AUTS2: variants seen among roughly 807,000 people sequenced by gnomAD.
AUTS2 encodes autism susceptibility gene 2 protein.
Under a neutral mutation model 112.4 loss-of-function variants are expected in AUTS2, and 17 were observed. The observed-to-expected ratio is 0.15, with a 90% CI of 0.10 to 0.23. The LOEUF is 0.23. Ranked by LOEUF, AUTS2 falls within the 10% of genes least tolerant of loss-of-function variation. The pLI, the probability that AUTS2 is intolerant of heterozygous loss-of-function variation, is 1.00. For missense variants in AUTS2, 1,510 were observed against 1,701.6 expected, an observed-to-expected ratio of 0.89 and a Z score of 1.98; for synonymous variants, 751 against 702.7, an observed-to-expected ratio of 1.07 and a Z score of -1.09.
chr7:70,236,748 T>C (rs1812348987), intron 4 of AUTS2, among the ~76,000 whole-genome samples: 1 of 152,200 alleles, frequency 6.6e-6, no homozygotes, highest in Non-Finnish European at 1.5e-5. Context: ...TTTTAATGCA[T>C]TCCACTCCTC....
chr7:70,105,891 G>A (rs1317270535), intron 2 of AUTS2, among the ~76,000 whole-genome samples: 5 of 152,086 alleles, frequency 3.3e-5, no homozygotes. Flanking sequence ...TTGTCTGTGA[G>A]TTTGGCTAAG....
At chr7:69,611,791 G>T (rs1043728856) in intron 1 of AUTS2, among the ~76,000 whole-genome samples, 1 of 151,142 alleles carries the variant, frequency 6.6e-6, no homozygotes, top group Admixed American at 6.6e-5. Flanking sequence ...TTAGCCGGGC[G>T]CGGTGGCAGG....
intron 1 of AUTS2, among the ~76,000 whole-genome samples, chr7:69,618,238 C>T (rs1047704171): frequency 7.2e-5 from 11 of 152,144 alleles, no homozygotes; most frequent in Admixed American, 4.6e-4. Flanking sequence ...ATGCTCCCCT[C>T]GCCTCCATTT....
intron 2 of AUTS2, among the ~76,000 whole-genome samples, chr7:70,113,305 A>C (rs947012469): frequency 3.3e-5 from 5 of 152,142 alleles, no homozygotes; most frequent in Admixed American, 2.6e-4. Flanking sequence ...TAAGTTTTTT[A>C]GTTTGGTTCA....
intron 4 of AUTS2, among the ~76,000 whole-genome samples, chr7:70,307,008 CTG>C (rs1789523267): frequency 6.6e-6 from 1 of 152,064 alleles, no homozygotes; most frequent in South Asian, 2.1e-4. Context: ...TCTTAGATAA[CTG>C]TTTTTGTAAT....
intron 1 of AUTS2, among the ~76,000 whole-genome samples, chr7:69,726,172 G>C (rs1384229303): frequency 1.3e-5 from 2 of 152,160 alleles, no homozygotes; most frequent in Non-Finnish European, 2.9e-5. Flanking sequence ...ACCTGAAAAA[G>C]TTTTTTAGTT....
Position 69,761,655 on chromosome 7 carries a change from C to T in AUTS2, c.310-137631C>T, listed in dbSNP as rs149170656. On this transcript the variant is annotated intron_variant, in intron 1 of 18. Transcript: ENST00000342771. ...TAGGAAGTTAAGGAATGCCGGGCTC[C>T]TCTGAATATTAAGGAAAATCTTTAA... Among the ~76,000 whole-genome samples, 438 of 152,242 alleles carry T rather than the reference C, an allele frequency of 2.9e-3. 1 individual carries two copies. The highest frequency in any genetic ancestry group is 9.7e-3 in the African/African-American group (403 of 41,548).
chr7:70,462,904 C>A (rs1384646854), intron 5 of AUTS2, among the ~76,000 whole-genome samples: 1 of 151,920 alleles, frequency 6.6e-6, no homozygotes, highest in Non-Finnish European at 1.5e-5. Flanking sequence ...ATTGCAGTGA[C>A]CCGAGATTGC....
At chr7:69,623,381 ATTTTTT>A (rs56204810) in intron 1 of AUTS2, among the ~76,000 whole-genome samples, 26 of 71,944 alleles carry the variant, frequency 3.6e-4, no homozygotes, top group South Asian at 2.6e-3. Context: ...ACGCCCAGCA[ATTTTTT>A]TTTTTTTTTT....
At chr7:70,765,147 T>C in intron 8 of AUTS2, 142 bp downstream of exon 8, 1 of 1,190,622 alleles carries the variant, frequency 8.4e-7, no homozygotes, top group Non-Finnish European at 1.2e-6. Context: ...TCAAACGCTC[T>C]CTGGCCTGAG....
At position 70,432,774 on chromosome 7, in the gene AUTS2, G is replaced by A. The variant is rs555149266; in HGVS notation, c.661-2978G>A. On this transcript the variant is annotated intron_variant, in intron 4 of 18. Coordinates refer to ENST00000342771, the MANE Select transcript of AUTS2 (RefSeq NM_015570.4). ...TCGTCTCTGCCAGGGGCTGGCACTC[G>A]AGGCTCCAGAGAGTGGAGCTGTAAA... Among the ~76,000 whole-genome samples, 6 of 152,316 alleles carry A rather than the reference G, an allele frequency of 3.9e-5. No homozygotes were observed. The South Asian group carries it at 6.2e-4, about 16-fold the overall frequency.
chr7:69,806,133 C>A (rs1381830076), intron 1 of AUTS2, among the ~76,000 whole-genome samples: 1 of 142,134 alleles, frequency 7.0e-6, no homozygotes, highest in African/African-American at 2.6e-5. Flanking sequence ...TGGTCTCAAG[C>A]GGTCTTCCTA....
intron 5 of AUTS2, among the ~76,000 whole-genome samples, chr7:70,519,780 A>G (rs1799568930): frequency 6.6e-6 from 1 of 152,162 alleles, no homozygotes; most frequent in Admixed American, 6.5e-5. Context: ...GCAGGGTTCT[A>G]CCATATCACT....
rs116748716 is a variant in AUTS2, at chr7:69,932,253, G to A, written c.522+32755G>A. ...ATGGAAAAGTGCTTTGTTGTCTTTT[G>A]TTGCTGAAAAATCCAGCTCTCGGCC... On this transcript the variant is annotated intron_variant, in intron 2 of 18. Transcript: ENST00000342771. 2.7e-3 allele frequency among the ~76,000 whole-genome samples: 404 copies of A among 152,280 alleles called. 4 individuals are homozygous for A. The highest frequency in any genetic ancestry group is 9.2e-3 in the African/African-American group (384 of 41,546).
chr7:70,397,256 G>T (rs1005876246), intron 4 of AUTS2, among the ~76,000 whole-genome samples: 1 of 151,732 alleles, frequency 6.6e-6, no homozygotes, highest in East Asian at 1.9e-4. Flanking sequence ...GTAGAAACAG[G>T]GTTTCACCAT....
At chr7:70,519,370 T>A (rs1799553256) in intron 5 of AUTS2, among the ~76,000 whole-genome samples, 7 of 152,236 alleles carry the variant, frequency 4.6e-5, no homozygotes, top group Admixed American at 3.9e-4. Flanking sequence ...GAGCTTTGAG[T>A]AGCTGGTGCT....
intron 1 of AUTS2, among the ~76,000 whole-genome samples, chr7:69,856,008 G>A (rs918571954): frequency 2.6e-5 from 4 of 152,156 alleles, no homozygotes; most frequent in South Asian, 2.1e-4. Context: ...TGGCTTCCCC[G>A]CAGTGATTCT....
At chr7:69,618,191 G>A (rs913970789) in intron 1 of AUTS2, among the ~76,000 whole-genome samples, 1 of 152,188 alleles carries the variant, frequency 6.6e-6, no homozygotes, top group Non-Finnish European at 1.5e-5. Flanking sequence ...ACAAAGAGGA[G>A]GGGGATGAGC....
chr7:70,681,505 G>A (rs1808205556), intron 5 of AUTS2, among the ~76,000 whole-genome samples: 1 of 134,592 alleles, frequency 7.4e-6, no homozygotes, highest in Non-Finnish European at 1.5e-5. Flanking sequence ...GAGGGCATCA[G>A]TGTACATATA....
Sources: gnomAD v4.1 joint callset for allele counts (sites outside exome capture counted in the v4.1 genomes callset) on GRCh38, gnomAD v4.1.1 for gene constraint, MANE v1.5 for transcripts, NCBI Gene and HGNC (gene_info 2026-07-23, HGNC 2026-07-21) for gene names.